CHD7: variants seen among roughly 807,000 people sequenced by gnomAD.
CHD7 encodes the protein chromodomain helicase DNA binding protein 7.
In CHD7, 24 loss-of-function variants were observed where a neutral mutation model predicts 307.3. The observed-to-expected ratio is 0.08, with a 90% CI of 0.06 to 0.11. The LOEUF is 0.11. CHD7 is among the 10% of genes least tolerant of loss of function. The pLI, the probability that CHD7 is intolerant of heterozygous loss-of-function variation, is 1.00. For synonymous variants in CHD7, 1,363 were observed against 1,349.9 expected (o/e 1.01, Z -0.21); for missense variants, 3,106 against 3,727.1 (o/e 0.83, Z 4.34).
At chr8:60,695,898 T>G (rs897578940) in intron 1 of CHD7, among the ~76,000 whole-genome samples, 3 of 151,978 alleles carry the variant, frequency 2.0e-5, no homozygotes, top group Non-Finnish European at 4.4e-5. Flanking sequence ...ATAAACTTCT[T>G]TTTTTGTGAA....
intron 3 of CHD7, among the ~76,000 whole-genome samples, chr8:60,792,155 G>T (rs1028187940): frequency 6.6e-6 from 1 of 152,096 alleles, no homozygotes; most frequent in Non-Finnish European, 1.5e-5. Context: ...ATGACAGTTC[G>T]AACTGGAACT....
chr8:60,719,690 C>T (rs545232410), intron 1 of CHD7, among the ~76,000 whole-genome samples: 24 of 152,162 alleles, frequency 1.6e-4, no homozygotes, highest in Admixed American at 6.5e-4. Flanking sequence ...CCTCCTCATT[C>T]GGCAGGCAGT....
intron 3 of CHD7, among the ~76,000 whole-genome samples, chr8:60,787,978 C>T (rs755124058): frequency 7.2e-5 from 11 of 151,840 alleles, no homozygotes; most frequent in East Asian, 1.9e-4. Flanking sequence ...TGCACCACCA[C>T]GCCCTGCTAA....
chr8:60,862,804 A>T, intron 37 of CHD7, 152 bp downstream of exon 37: 2 of 556,554 alleles, frequency 3.6e-6, no homozygotes, highest in South Asian at 4.3e-5. Context: ...CATTTCATAC[A>T]TCATTAATAC....
At chr8:60,810,917 G>A (rs953397351) in intron 7 of CHD7, among the ~76,000 whole-genome samples, 1 of 152,200 alleles carries the variant, frequency 6.6e-6, no homozygotes, top group Admixed American at 6.5e-5. Context: ...TACCACCTGA[G>A]CTCTGCCTCT....
chr8:60,816,089 T>C (rs989094328), intron 7 of CHD7, among the ~76,000 whole-genome samples: 2 of 148,180 alleles, frequency 1.3e-5, no homozygotes, highest in African/African-American at 5.2e-5. Flanking sequence ...CTCTTCTCTG[T>C]CTCTTTTGTC....
At chr8:60,862,369 C>A in intron 36 of CHD7, 33 bp downstream of exon 36, 1 of 1,579,016 alleles carries the variant, frequency 6.3e-7, no homozygotes. Flanking sequence ...GATCACTATG[C>A]GATTTCTTAG....
At chr8:60,716,004 A>T (rs1276915416) in intron 1 of CHD7, among the ~76,000 whole-genome samples, 1 of 152,166 alleles carries the variant, frequency 6.6e-6, no homozygotes, top group Non-Finnish European at 1.5e-5. Context: ...ACCTTCCGAG[A>T]CCATTGTTTC....
In CHD7 at chr8:60,773,039, A is replaced by G. The variant is rs114338105; in HGVS notation, c.1666-7961A>G. Among the ~76,000 whole-genome samples the G allele has an allele frequency of 8.9e-4, 136 of 152,356 alleles. 2 individuals carry two copies. Among genetic ancestry groups the G allele is most frequent in the African/African-American group, 3.2e-3 (131 of 41,582 alleles). ...GTCATTTCCATTCAGTCATTTATAA[A>G]GCAGCAACAATATCACCCACCTCAC... On this transcript the variant is annotated intron_variant, in intron 2 of 37. Coordinates refer to ENST00000423902, the MANE Select transcript of CHD7 (RefSeq NM_017780.4).
intron 1 of CHD7, among the ~76,000 whole-genome samples, chr8:60,721,408 G>A (rs1337794907): frequency 6.6e-6 from 1 of 152,196 alleles, no homozygotes; most frequent in African/African-American, 2.4e-5. Context: ...TGCCTTGCCA[G>A]CACCTTCGTC....
At chr8:60,821,753 A>G in intron 9 of CHD7, 37 bp from the exon 10 acceptor site, 3 of 1,544,582 alleles carry the variant, frequency 1.9e-6, no homozygotes, top group Non-Finnish European at 2.6e-6. Context: ...TATGTGGTCA[A>G]ATGAATCCAA....
chr8:60,831,173 A>G (rs1036138410), intron 15 of CHD7, among the ~76,000 whole-genome samples: 70 of 152,340 alleles, frequency 4.6e-4, no homozygotes, highest in African/African-American at 1.6e-3. Context: ...TCATTAAGGT[A>G]GTAAATATTT....
chr8:60,700,517 A>G (rs1488644070), intron 1 of CHD7, among the ~76,000 whole-genome samples: 1 of 152,232 alleles, frequency 6.6e-6, no homozygotes, highest in East Asian at 1.9e-4. Flanking sequence ...TTGGCCTAAC[A>G]CAATGAGACG....
At chr8:60,819,254 A>G (rs1327547375) in intron 8 of CHD7, among the ~76,000 whole-genome samples, 2 of 152,158 alleles carry the variant, frequency 1.3e-5, no homozygotes, top group Non-Finnish European at 2.9e-5. Flanking sequence ...TGCCCAGCCT[A>G]TAACTTTTTT....
rs559479129 is a variant in CHD7 at position 60,863,357 on chromosome 8, G to A, written c.8076+705G>A. On this transcript the variant is annotated intron_variant, in intron 37 of 37. Coordinates refer to ENST00000423902, the MANE Select transcript of CHD7 (RefSeq NM_017780.4). ...CATAAGTCTTGAAGCAGTTTCTTTCGCTCATCATATGGAAGGTCATCGATG... is the reference window on the plus strand; with the variant it reads ...CATAAGTCTTGAAGCAGTTTCTTTCACTCATCATATGGAAGGTCATCGATG... The A allele has an allele frequency of 6.6e-5, 10 of 152,260 alleles. No homozygotes were observed. In the East Asian group the frequency reaches 1.3e-3, roughly 21 times the overall value. 9.4% of individuals were successfully genotyped at this position (152,260 alleles called of 1,614,324 possible).
intron 1 of CHD7, among the ~76,000 whole-genome samples, chr8:60,694,000 G>C (rs974737487): frequency 6.6e-6 from 1 of 152,236 alleles, no homozygotes; most frequent in East Asian, 1.9e-4. Context: ...GGTCTATCCA[G>C]ACTCATAAGC....
At chr8:60,791,667 T>C (rs1369054912) in intron 3 of CHD7, among the ~76,000 whole-genome samples, 1 of 152,192 alleles carries the variant, frequency 6.6e-6, no homozygotes, top group Non-Finnish European at 1.5e-5. Context: ...GGTCTGATGT[T>C]GTATAGCCCT....
At chr8:60,749,296 G>A (rs985109794) in intron 2 of CHD7, among the ~76,000 whole-genome samples, 1 of 144,882 alleles carries the variant, frequency 6.9e-6, no homozygotes, top group South Asian at 2.2e-4. Context: ...GCTTGAACCC[G>A]TGAGGCGGAG....
At chr8:60,695,339 A>G (rs1806415867) in intron 1 of CHD7, among the ~76,000 whole-genome samples, 1 of 152,264 alleles carries the variant, frequency 6.6e-6, no homozygotes, top group South Asian at 2.1e-4. Flanking sequence ...ATTTTGGAAC[A>G]TATAATTTGA....
Sources: gnomAD v4.1 joint callset for allele counts (sites outside exome capture counted in the v4.1 genomes callset) on GRCh38, gnomAD v4.1.1 for gene constraint, MANE v1.5 for transcripts, NCBI Gene and HGNC (gene_info 2026-07-23, HGNC 2026-07-21) for gene names.